Variants in COL3A1 observed in about 807,000 individuals in gnomAD.
The protein encoded by COL3A1 is collagen alpha-1(III) chain.
A neutral mutation model predicts 200.9 loss-of-function variants in COL3A1; 46 were observed. The ratio of observed to expected loss-of-function variants is 0.23; its 90% CI spans 0.18 to 0.29. The LOEUF (loss-of-function observed/expected upper bound fraction) is 0.29. Among genes scored for constraint, COL3A1 ranks in the 10% least tolerant of loss-of-function variants. COL3A1 has a pLI of 1.00. For synonymous variants in COL3A1, 650 were observed against 628.0 expected (o/e 1.03, Z -0.52); for missense variants, 1,367 against 1,917.6 (o/e 0.71, Z 5.36).
At position 189,006,272 on chromosome 2, in the gene COL3A1, C is replaced by T. The variant is rs1559061626; in HGVS notation, c.3093+13C>T. ...TCCTGGTGGCAAGGTATAATAAACA[C>T]ATGTGCAATTGATTTGTGTTATCAA... On this transcript the variant is annotated intron_variant, in intron 42 of 50. Transcript: ENST00000304636. The T allele has an allele frequency of 6.2e-7, 1 of 1,614,054 alleles. No individual in the cohort carries two copies. Among genetic ancestry groups the T allele is most frequent in the Non-Finnish European group, 8.5e-7 (1 of 1,179,926 alleles).
At chr2:188,998,932 C>T (rs1688390888) in intron 29 of COL3A1, among the ~76,000 whole-genome samples, 1 of 152,182 alleles carries the variant, frequency 6.6e-6, no homozygotes, top group Non-Finnish European at 1.5e-5. Context: ...ATAATCACTA[C>T]AGAATCAAAT....
intron 22 of COL3A1, 147 bp from the exon 23 acceptor site, chr2:188,995,978 C>A: frequency 5.5e-6 from 5 of 906,306 alleles, no homozygotes; most frequent in South Asian, 1.6e-5. Flanking sequence ...AGAACACTTG[C>A]CTTAGATACT....
At chr2:188,992,456 A>G (rs1166600158) in intron 14 of COL3A1, among the ~76,000 whole-genome samples, 1 of 152,150 alleles carries the variant, frequency 6.6e-6, no homozygotes, top group African/African-American at 2.4e-5. Context: ...ATTAAAACTG[A>G]CACTGAGCCC....
At position 188,991,591 on chromosome 2, in the gene COL3A1, A is replaced by G. The variant is rs922532335; in HGVS notation, c.897+60A>G. The stretch of plus-strand genomic sequence containing the variant: ...ATTATTAACCTCATTGTTACCTAAA[A>G]CTGGCTTTGCTCCCACCCCAACTGT... On this transcript the variant is annotated intron_variant, in intron 12 of 50. Transcript: ENST00000304636. The G allele has an allele frequency of 6.9e-6, 11 of 1,604,334 alleles. No homozygotes were observed. The Admixed American group carries it at 1.3e-4, about 19-fold the overall frequency.
At chr2:188,977,150 T>C (rs1465033414) in intron 1 of COL3A1, among the ~76,000 whole-genome samples, 1 of 152,182 alleles carries the variant, frequency 6.6e-6, no homozygotes, top group African/African-American at 2.4e-5. Flanking sequence ...ACATTTTTCA[T>C]GTCTCTGATG....
chr2:189,001,202 C>G (rs1002485903), intron 32 of COL3A1, among the ~76,000 whole-genome samples, 195 bp from the exon 33 acceptor site: 4 of 152,050 alleles, frequency 2.6e-5, no homozygotes, highest in African/African-American at 9.7e-5. Context: ...AGAGTTATCC[C>G]CAAAGAGGCT....
intron 1 of COL3A1, among the ~76,000 whole-genome samples, chr2:188,976,309 G>A (rs1687814139): frequency 6.6e-6 from 1 of 152,036 alleles, no homozygotes; most frequent in African/African-American, 2.4e-5. Flanking sequence ...GCCACTTACA[G>A]TACCTTGACA....
chr2:189,006,094 A>G (rs1346909258), intron 41 of COL3A1, 112 bp from the exon 42 acceptor site: 5 of 1,120,984 alleles, frequency 4.5e-6, no homozygotes, highest in Non-Finnish European at 6.6e-6. Context: ...CTTACCCCCA[A>G]GAACCAATTT....
At chr2:188,998,193 T>G in intron 27 of COL3A1, 73 bp from the exon 28 acceptor site, 2 of 1,362,802 alleles carry the variant, frequency 1.5e-6, no homozygotes, top group Non-Finnish European at 2.1e-6. Flanking sequence ...TGCAGAAACA[T>G]GTGTACATAT....
chr2:189,007,380 T>C (rs1576472499), intron 44 of COL3A1, 120 bp from the exon 45 acceptor site: 8 of 778,468 alleles, frequency 1.0e-5, no homozygotes, highest in Non-Finnish European at 1.7e-5. Flanking sequence ...AAGTGTCTGT[T>C]GATGGGGGAT....
chr2:188,994,693 T>A lies in COL3A1; in HGVS notation c.1348-31T>A, dbSNP rs767382017. 2 of 1,610,928 alleles carry A rather than the reference T, an allele frequency of 1.2e-6. No homozygotes were observed. Among genetic ancestry groups the A allele is most frequent in the East Asian group, 2.2e-5 (1 of 44,850 alleles). ...CTTTGAACTAAATTCAGTCATAATT[T>A]CTTTATTTTACCATCTTTTTTTTTT... is the stretch of plus-strand genomic sequence containing the variant. On this transcript the variant is annotated intron_variant, in intron 19 of 50. Coordinates refer to ENST00000304636, the MANE Select transcript of COL3A1 (RefSeq NM_000090.4). The surrounding 1 kb of genome is among the most constrained non-coding windows in gnomAD (Gnocchi z 4.5).
chr2:189,003,031 T>C lies in COL3A1; in HGVS notation c.2522T>C (p.Val841Ala), dbSNP rs1466306398. 2.6e-6 allele frequency: 4 copies of C among 1,551,130 alleles called. No individual in the cohort carries two copies. The highest frequency in any genetic ancestry group is 3.9e-5 in the Admixed American group (2 of 50,938). ...AAAGGTGAAGGAGGCCCTCCTGGAG[T>C]TGCAGGACCCCCTGGAGGTTCTGGA... is the stretch of plus-strand genomic sequence containing the variant. Reference protein sequence around the residue: ...GEKGEGGPPGVAGPPGGSGPA... With the variant: ...GEKGEGGPPGAAGPPGGSGPA... Residue 841 changes from valine to alanine, a missense_variant, in exon 36 of 51, where the codon GTT becomes GCT. Physicochemically the swap from Val to Ala is moderately conservative, Grantham distance 64. Coordinates refer to ENST00000304636, the MANE Select transcript of COL3A1 (RefSeq NM_000090.4).
chr2:188,999,981 A>G, intron 32 of COL3A1, 86 bp downstream of exon 32: 2 of 1,339,898 alleles, frequency 1.5e-6, no homozygotes, highest in East Asian at 2.5e-5. Context: ...TTTTCCAAAA[A>G]CTACTCAAGA....
At chr2:188,985,563 A>G in intron 3 of COL3A1, 102 bp from the exon 4 acceptor site, 1 of 763,530 alleles carries the variant, frequency 1.3e-6, no homozygotes, top group Non-Finnish European at 2.2e-6. Flanking sequence ...TATATTACTT[A>G]TATTGTTTCC....
intron 47 of COL3A1, chr2:189,008,414 A>G (rs1332163492): frequency 6.1e-6 from 3 of 493,640 alleles, no homozygotes; most frequent in African/African-American, 1.9e-5. Context: ...CCCTGTCCAC[A>G]TTGCTATCCC....
chr2:188,992,782 C>T, intron 14 of COL3A1, 105 bp from the exon 15 acceptor site: 1 of 889,586 alleles, frequency 1.1e-6, no homozygotes, highest in South Asian at 1.3e-5. Context: ...TCATTTTTAT[C>T]TGCATAAATA....
Position 188,995,054 on chromosome 2 carries a change from T to C in COL3A1, c.1464T>C (p.Pro488=), listed in dbSNP as rs377706172. The change falls in exon 21 of 51, where the codon CCT becomes CCC. Residue 488 remains proline, a synonymous_variant. Coordinates refer to ENST00000304636, the MANE Select transcript of COL3A1 (RefSeq NM_000090.4). ...TCTTTCATTATTTTCAGGGTGCCCC[T>C]GGGTTCCGAGGACCTGCTGGACCAA... The part of the protein sequence containing the change: ...LPGAAGERGA[P]GFRGPAGPNG... 6 of 1,614,106 alleles carry C rather than the reference T, an allele frequency of 3.7e-6. 1 individual carries two copies. The African/African-American group carries it at 6.7e-5, about 18-fold the overall frequency.
Position 188,992,190 on chromosome 2 carries a change from C to T in COL3A1, c.958C>T (p.Arg320Trp), listed in dbSNP as rs1386163891. 4.3e-6 allele frequency: 7 copies of T among 1,613,794 alleles called. No individual in the cohort carries two copies. Among genetic ancestry groups the T allele is most frequent in the South Asian group, 1.1e-5 (1 of 91,064 alleles). The part of the protein sequence containing the change: ...RPGLPGAAGA[R>W]GNDGARGSDG... The stretch of plus-strand genomic sequence containing the variant: ...TGTAAACTTCTCTTTTTAGGGTGCT[C>T]GGGGTAATGACGGTGCTCGAGGCAG... Residue 320 changes from arginine (R) to tryptophan (W), a missense_variant, in exon 14 of 51, where the codon CGG (arginine) becomes TGG (tryptophan). By Grantham distance (101) the Arg-to-Trp change is moderately radical (BLOSUM62 -3). Coordinates refer to ENST00000304636, the MANE Select transcript of COL3A1 (RefSeq NM_000090.4).
intron 44 of COL3A1, 107 bp downstream of exon 44, chr2:189,007,097 A>C (rs1688603352): frequency 1.0e-4 from 1 of 9,914 alleles, no homozygotes; most frequent in Admixed American, 2.1e-3. Flanking sequence ...AAAAGAATGA[A>C]TATATATATA....
Sources: gnomAD v4.1 joint callset for allele counts (sites outside exome capture counted in the v4.1 genomes callset) on GRCh38, gnomAD v4.1.1 for gene constraint, Gnocchi (gnomAD v3.1) non-coding constraint, MANE v1.5 for transcripts, NCBI Gene and HGNC (gene_info 2026-07-23, HGNC 2026-07-21) for gene names.